Variants in AK9 observed in about 807,000 individuals in gnomAD.
AK9 encodes the protein adenylate kinase 9.
Under a neutral mutation model 239.6 loss-of-function variants are expected in AK9, and 191 were observed. The observed-to-expected ratio is 0.80, with a 90% CI of 0.71 to 0.90. AK9 has a LOEUF of 0.90. AK9 is among the 40% of genes least tolerant of loss of function. The probability of loss-of-function intolerance (pLI) is 0.00; values close to 1 mark genes in which losing one functional copy is unlikely to be tolerated. For synonymous variants in AK9, 689 were observed against 721.0 expected (o/e 0.96, Z 0.71); for missense variants, 1,995 against 2,214.7 (o/e 0.90, Z 1.99).
chr6:109,588,460 G>C (rs901501776), intron 17 of AK9, among the ~76,000 whole-genome samples: 15 of 152,064 alleles, frequency 9.9e-5, no homozygotes, highest in Non-Finnish European at 1.8e-4. Flanking sequence ...TTCTCTTCTT[G>C]AGTTGTTTGA....
At chr6:109,594,089 A>T (rs1427130884) in intron 17 of AK9, among the ~76,000 whole-genome samples, 3 of 152,204 alleles carry the variant, frequency 2.0e-5, no homozygotes, top group Non-Finnish European at 4.4e-5. Flanking sequence ...CTCTTTGCAG[A>T]CGACATGATT....
intron 29 of AK9, chr6:109,528,637 A>G (rs980822531): frequency 1.1e-5 from 5 of 461,440 alleles, no homozygotes; most frequent in Middle Eastern, 3.2e-4. Context: ...GCACTGTACA[A>G]TATCAGCAGT....
intron 27 of AK9, among the ~76,000 whole-genome samples, chr6:109,535,368 A>G (rs1390695004): frequency 6.6e-6 from 1 of 152,056 alleles, no homozygotes; most frequent in Non-Finnish European, 1.5e-5. Context: ...GATGATGAGC[A>G]TTTTTTCATG....
chr6:109,500,642 C>A (rs1777515773), intron 35 of AK9, among the ~76,000 whole-genome samples: 1 of 152,198 alleles, frequency 6.6e-6, no homozygotes, highest in Admixed American at 6.5e-5. Flanking sequence ...CTGCAATGTA[C>A]TATTACAGCA....
chr6:109,521,756 T>C (rs1398863044), intron 29 of AK9, among the ~76,000 whole-genome samples: 1 of 152,072 alleles, frequency 6.6e-6, no homozygotes, highest in African/African-American at 2.4e-5. Flanking sequence ...CTATTCTAAG[T>C]AGAATGTTTC....
At chr6:109,636,570 C>T (rs978167435) in intron 10 of AK9, among the ~76,000 whole-genome samples, 3 of 151,222 alleles carry the variant, frequency 2.0e-5, no homozygotes, top group Admixed American at 1.3e-4. Context: ...TTCCCCCCAG[C>T]CCCTGGTAAC....
At chr6:109,681,226 G>C (rs1772577812) in intron 1 of AK9, among the ~76,000 whole-genome samples, 1 of 152,076 alleles carries the variant, frequency 6.6e-6, no homozygotes, top group South Asian at 2.1e-4. Context: ...GACAAACATA[G>C]GTGCAAAATA....
At chr6:109,549,999 G>A in intron 25 of AK9, 91 bp downstream of exon 25, 2 of 1,332,062 alleles carry the variant, frequency 1.5e-6, no homozygotes, top group South Asian at 2.7e-5. Flanking sequence ...TCAGATTGGG[G>A]ATTTCACCCT....
At chr6:109,589,968 T>C (rs1274867619) in intron 17 of AK9, among the ~76,000 whole-genome samples, 3 of 152,184 alleles carry the variant, frequency 2.0e-5, no homozygotes, top group African/African-American at 4.8e-5. Flanking sequence ...TCTGGTTTGC[T>C]AGTATTTTTT....
chr6:109,572,375 A>T (rs1473533440), intron 21 of AK9, among the ~76,000 whole-genome samples: 2 of 152,194 alleles, frequency 1.3e-5, no homozygotes, highest in East Asian at 3.8e-4. Context: ...AATGTAGGTG[A>T]AAGTCTCTGT....
At chr6:109,639,607 A>G (rs1406764849) in intron 10 of AK9, among the ~76,000 whole-genome samples, 1 of 152,000 alleles carries the variant, frequency 6.6e-6, no homozygotes, top group Non-Finnish European at 1.5e-5. Flanking sequence ...TTGCCTGTTC[A>G]CTCTGATGGT....
chr6:109,656,101 C>T (rs1799665794), intron 8 of AK9, among the ~76,000 whole-genome samples: 1 of 152,174 alleles, frequency 6.6e-6, no homozygotes, highest in Non-Finnish European at 1.5e-5. Flanking sequence ...AGCATAGAGT[C>T]TGGCTAAATG....
chr6:109,682,707 G>A (rs79595360), intron 1 of AK9, among the ~76,000 whole-genome samples: 76 of 152,078 alleles, frequency 5.0e-4, no homozygotes, highest in African/African-American at 1.8e-3. Context: ...AGGAAAAATC[G>A]AATCCCTGAA....
intron 17 of AK9, among the ~76,000 whole-genome samples, chr6:109,603,514 G>T (rs1792375812): frequency 6.6e-6 from 1 of 152,170 alleles, no homozygotes; most frequent in Non-Finnish European, 1.5e-5. Flanking sequence ...GGCTACTTGG[G>T]GGTCAGGGAC....
chr6:109,560,674 G>A (rs1785638726), intron 24 of AK9, among the ~76,000 whole-genome samples: 1 of 152,090 alleles, frequency 6.6e-6, no homozygotes, highest in South Asian at 2.1e-4. Flanking sequence ...CTAAAATTTT[G>A]TTAAGAATGT....
At chr6:109,572,538 C>A (rs1787555840) in intron 21 of AK9, among the ~76,000 whole-genome samples, 1 of 152,102 alleles carries the variant, frequency 6.6e-6, no homozygotes, top group Non-Finnish European at 1.5e-5. Flanking sequence ...GCTTCAATAT[C>A]TTTTTAAGTG....
chr6:109,610,259 A>G (rs1793414258), intron 17 of AK9, 106 bp downstream of exon 17: 3 of 1,361,576 alleles, frequency 2.2e-6, no homozygotes, highest in South Asian at 2.7e-5. Context: ...TGAAGGCTAC[A>G]AATTTCAACA....
intron 1 of AK9, among the ~76,000 whole-genome samples, chr6:109,685,215 A>G (rs1319144131): frequency 6.6e-6 from 1 of 152,138 alleles, no homozygotes; most frequent in African/African-American, 2.4e-5. Flanking sequence ...TTGACCCAGT[A>G]ATCTCATTAC....
At chr6:109,619,334 C>G in intron 12 of AK9, 98 bp from the exon 13 acceptor site, 1 of 1,262,928 alleles carries the variant, frequency 7.9e-7, no homozygotes, top group Admixed American at 3.6e-5. Flanking sequence ...ATATTTCTAT[C>G]TCTATTCCAA....
Sources: allele counts gnomAD v4.1 joint callset (sites outside exome capture counted in the v4.1 genomes callset), GRCh38; gene constraint gnomAD v4.1.1; transcripts MANE v1.5; gene names NCBI Gene and HGNC (gene_info 2026-07-23, HGNC 2026-07-21).